Variants in SEMA3A observed in about 807,000 individuals in gnomAD.
SEMA3A encodes the protein semaphorin 3A, also known as semaphorin-3A.
Under a neutral mutation model 97.9 loss-of-function variants are expected in SEMA3A, and 29 were observed. The ratio of observed to expected loss-of-function variants is 0.30; its 90% CI spans 0.22 to 0.40. SEMA3A has a LOEUF of 0.40. Among genes scored for constraint, SEMA3A ranks in the 10% least tolerant of loss-of-function variants. SEMA3A has a pLI of 1.00. For missense variants in SEMA3A, 763 were observed against 951.3 expected, an observed-to-expected ratio of 0.80 and a Z score of 2.60; for synonymous variants, 321 against 323.7, an observed-to-expected ratio of 0.99 and a Z score of 0.09.
chr7:84,005,605 C>T, intron 10 of SEMA3A, 47 bp from the exon 11 acceptor site: 3 of 1,255,900 alleles, frequency 2.4e-6, no homozygotes, highest in Non-Finnish European at 3.4e-6. Context: ...ATCTAATAAA[C>T]ATAATTATAA....
chr7:84,230,310 A>G (rs1799090255), intron 3 of SEMA3A, among the ~76,000 whole-genome samples: 1 of 151,890 alleles, frequency 6.6e-6, no homozygotes, highest in African/African-American at 2.4e-5. Context: ...CCTCATTATC[A>G]TGACTTCAAC....
chr7:84,106,296 G>A (rs1212553194), intron 4 of SEMA3A, among the ~76,000 whole-genome samples: 1 of 152,080 alleles, frequency 6.6e-6, no homozygotes, highest in Non-Finnish European at 1.5e-5. Flanking sequence ...CTTTACATAT[G>A]TTTAGATGAA....
chr7:84,081,114 T>C (rs952127192), intron 4 of SEMA3A, among the ~76,000 whole-genome samples: 7 of 152,124 alleles, frequency 4.6e-5, no homozygotes, highest in African/African-American at 1.7e-4. Flanking sequence ...TATGAGATCA[T>C]TGCATATATA....
chr7:84,133,042 TATG>T (rs759390932), intron 2 of SEMA3A, among the ~76,000 whole-genome samples: 12 of 152,180 alleles, frequency 7.9e-5, no homozygotes, highest in East Asian at 3.8e-4. Context: ...CTGCTAATTT[TATG>T]ATATTTTCAA....
chr7:84,396,638 G>A (rs1027702496), intron 1 of SEMA3A, among the ~76,000 whole-genome samples: 1 of 151,960 alleles, frequency 6.6e-6, no homozygotes, highest in Non-Finnish European at 1.5e-5. Flanking sequence ...GAACAAAAAT[G>A]TAAAGAAACT....
chr7:84,363,114 T>A (rs1331581155), intron 2 of SEMA3A, among the ~76,000 whole-genome samples: 2 of 151,928 alleles, frequency 1.3e-5, no homozygotes, highest in African/African-American at 4.8e-5. Context: ...TTTACGGACA[T>A]CTGCTGAAAT....
chr7:83,977,276 TAA>T, intron 14 of SEMA3A, 80 bp from the exon 15 acceptor site: 2 of 650,462 alleles, frequency 3.1e-6, no homozygotes, highest in Non-Finnish European at 5.1e-6. Context: ...TGAAGAGAAA[TAA>T]AATATATATA....
intron 2 of SEMA3A, among the ~76,000 whole-genome samples, chr7:84,338,344 A>G (rs1802087222): frequency 6.6e-6 from 1 of 152,036 alleles, no homozygotes; most frequent in South Asian, 2.1e-4. Flanking sequence ...AACTATAACC[A>G]AAGTGTAGGT....
At chr7:84,094,330 C>CTT (rs5885398) in intron 4 of SEMA3A, among the ~76,000 whole-genome samples, 2 of 147,700 alleles carry the variant, frequency 1.4e-5, no homozygotes, top group African/African-American at 5.0e-5. Flanking sequence ...AAGTTTTTGC[C>CTT]TTTTTTTTTT....
At chr7:84,488,339 CACACACACACAT>C (rs1163867949) in intron 1 of SEMA3A, among the ~76,000 whole-genome samples, 15 of 151,728 alleles carry the variant, frequency 9.9e-5, no homozygotes, top group African/African-American at 2.9e-4. Context: ...CACACACACA[CACACACACACAT>C]ATATATATGT....
chr7:84,481,704 TAC>T (rs1485499216), intron 1 of SEMA3A, among the ~76,000 whole-genome samples: 1 of 152,118 alleles, frequency 6.6e-6, no homozygotes, highest in Non-Finnish European at 1.5e-5. Flanking sequence ...TTCATTTTAT[TAC>T]AGTGTCTATA....
chr7:83,963,416 T>C, intron 15 of SEMA3A, 69 bp from the exon 16 acceptor site: 1 of 1,529,416 alleles, frequency 6.5e-7, no homozygotes, highest in African/African-American at 1.4e-5. Context: ...AAAGTTTTTA[T>C]TTGGAAATTC....
chr7:84,386,140 T>C (rs1172077676), intron 1 of SEMA3A, among the ~76,000 whole-genome samples: 1 of 152,212 alleles, frequency 6.6e-6, no homozygotes. Flanking sequence ...ACCAAACATA[T>C]TGTGTTTATT....
chr7:83,969,428 G>T (rs930444220), intron 15 of SEMA3A, among the ~76,000 whole-genome samples: 2 of 151,994 alleles, frequency 1.3e-5, no homozygotes, highest in Admixed American at 6.6e-5. Flanking sequence ...TTTTAATCTG[G>T]TTTATTCCCC....
At chr7:84,124,013 C>A (rs1051696297) in intron 3 of SEMA3A, among the ~76,000 whole-genome samples, 1 of 151,976 alleles carries the variant, frequency 6.6e-6, no homozygotes, top group African/African-American at 2.4e-5. Context: ...TGAGAGAATG[C>A]GGAGACGTTT....
At chr7:84,349,023 T>G (rs1351681489) in intron 2 of SEMA3A, among the ~76,000 whole-genome samples, 1 of 152,098 alleles carries the variant, frequency 6.6e-6, no homozygotes, top group Non-Finnish European at 1.5e-5. Flanking sequence ...TAGTGGTTAC[T>G]TGGATATGTG....
chr7:84,402,488 A>T (rs1803932114), intron 1 of SEMA3A, among the ~76,000 whole-genome samples: 1 of 152,060 alleles, frequency 6.6e-6, no homozygotes, highest in African/African-American at 2.4e-5. Context: ...TGAATCCCCC[A>T]GCTGGGTATG....
intron 1 of SEMA3A, among the ~76,000 whole-genome samples, chr7:84,408,468 T>A (rs570061911): frequency 6.6e-6 from 1 of 151,970 alleles, no homozygotes; most frequent in Admixed American, 6.6e-5. Flanking sequence ...GTTCAACCAT[T>A]GTGGAAGTCA....
At chr7:84,200,132 C>T (rs866970227), upstream of SEMA3A, among the ~76,000 whole-genome samples, 21 of 151,960 alleles carry the variant, frequency 1.4e-4, no homozygotes, top group Middle Eastern at 3.4e-3. Flanking sequence ...CTTCCTTCCC[C>T]TGGACTGAAT....
Sources: gnomAD v4.1 joint callset for allele counts (sites outside exome capture counted in the v4.1 genomes callset) on GRCh38, gnomAD v4.1.1 for gene constraint, MANE v1.5 for transcripts, NCBI Gene and HGNC (gene_info 2026-07-23, HGNC 2026-07-21) for gene names.